KCNG3: variants seen among roughly 807,000 people sequenced by gnomAD.
KCNG3 encodes the protein voltage-gated potassium channel regulatory subunit KCNG3.
In KCNG3, 15 loss-of-function variants were observed where a neutral mutation model predicts 29.0. That is an observed-to-expected ratio of 0.52 (90% confidence interval 0.35 to 0.80). KCNG3 has a LOEUF of 0.80. Ranked by LOEUF, KCNG3 falls within the 30% of genes least tolerant of loss-of-function variation. The pLI, the probability that KCNG3 is intolerant of heterozygous loss-of-function variation, is 0.01. For missense variants in KCNG3, 512 were observed against 605.7 expected, an observed-to-expected ratio of 0.85 and a Z score of 1.62; for synonymous variants, 322 against 248.9, an observed-to-expected ratio of 1.29 and a Z score of -2.76.
At chr2:42,478,751 C>A (rs1673505140) in intron 1 of KCNG3, among the ~76,000 whole-genome samples, 1 of 152,082 alleles carries the variant, frequency 6.6e-6, no homozygotes, top group South Asian at 2.1e-4. Flanking sequence ...TACTTGAGGG[C>A]AAGGGTCCCG....
chr2:42,490,201 T>A, intron 1 of KCNG3, among the ~76,000 whole-genome samples: 1 of 152,190 alleles, frequency 6.6e-6, no homozygotes, highest in Admixed American at 6.5e-5. Context: ...ATGTTCCTTT[T>A]ATCTTAAAAA....
chr2:42,417,482 G>C, the KCNG3 span, among the ~76,000 whole-genome samples: 4 of 151,782 alleles, frequency 2.6e-5, no homozygotes, highest in Admixed American at 1.3e-4. Context: ...TAACACACTT[G>C]GCTAATTTTT....
intron 1 of KCNG3, among the ~76,000 whole-genome samples, chr2:42,474,303 G>C (rs538928475): frequency 9.2e-5 from 14 of 151,890 alleles, no homozygotes; most frequent in Admixed American, 9.2e-4. Flanking sequence ...CAAGGTGGGC[G>C]GATCACCTGA....
At chr2:42,434,130 G>A in the KCNG3 span, among the ~76,000 whole-genome samples, 1 of 151,898 alleles carries the variant, frequency 6.6e-6, no homozygotes, top group East Asian at 1.9e-4. Flanking sequence ...TGCAGAAATG[G>A]ACACACCAAA....
chr2:42,471,317 G>A (rs2103708402), intron 1 of KCNG3, among the ~76,000 whole-genome samples: 1 of 152,134 alleles, frequency 6.6e-6, no homozygotes, highest in African/African-American at 2.4e-5. Context: ...CCATACAATA[G>A]ATTATTATCC....
the KCNG3 span, among the ~76,000 whole-genome samples, chr2:42,401,451 G>A: frequency 1.3e-5 from 2 of 151,210 alleles, no homozygotes; most frequent in Non-Finnish European, 2.9e-5. Flanking sequence ...ATACATATAT[G>A]TATTTTTGGA....
chr2:42,439,282 G>C (rs1018462104), downstream of KCNG3, among the ~76,000 whole-genome samples: 3 of 151,580 alleles, frequency 2.0e-5, no homozygotes, highest in African/African-American at 7.3e-5. Flanking sequence ...TTTTGAGAGA[G>C]AGAGAGTTTC....
the KCNG3 span, among the ~76,000 whole-genome samples, chr2:42,409,731 T>TAAAAAAAAAAAAA: frequency 2.3e-4 from 18 of 77,102 alleles, no homozygotes; most frequent in African/African-American, 6.3e-4. Flanking sequence ...AAAAAAAAAT[T>TAAAAAAAAAAAAA]TTTTTTTAAA....
At chr2:42,464,515 A>G (rs1037755750) in intron 1 of KCNG3, among the ~76,000 whole-genome samples, 15 of 152,234 alleles carry the variant, frequency 9.9e-5, no homozygotes, top group African/African-American at 2.9e-4. Context: ...GAATACTCTG[A>G]GTACTGAGGT....
At chr2:42,412,876 T>C in the KCNG3 span, among the ~76,000 whole-genome samples, 1 of 152,138 alleles carries the variant, frequency 6.6e-6, no homozygotes, top group Admixed American at 6.5e-5. Flanking sequence ...AAATACCTTT[T>C]TCCATTCCTT....
the KCNG3 span, among the ~76,000 whole-genome samples, chr2:42,433,269 A>G: frequency 5.3e-5 from 8 of 152,264 alleles, no homozygotes; most frequent in Non-Finnish European, 7.3e-5. Context: ...CTAATAAAGC[A>G]TTCAACAAGT....
At chr2:42,392,774 T>C in the KCNG3 span, among the ~76,000 whole-genome samples, 2 of 151,994 alleles carry the variant, frequency 1.3e-5, no homozygotes, top group South Asian at 2.1e-4. Context: ...GACGCAATGA[T>C]CTAGTAAGCT....
At chr2:42,485,822 G>C (rs1282607121) in intron 1 of KCNG3, among the ~76,000 whole-genome samples, 1 of 152,146 alleles carries the variant, frequency 6.6e-6, no homozygotes, top group Non-Finnish European at 1.5e-5. Flanking sequence ...CCTTGGAAGT[G>C]TCAGAATAAT....
At chr2:42,448,495 T>C (rs748775350) in intron 1 of KCNG3, among the ~76,000 whole-genome samples, 14 of 152,156 alleles carry the variant, frequency 9.2e-5, no homozygotes, top group African/African-American at 3.1e-4. Flanking sequence ...AGTAAAATTC[T>C]TGATTTTCCA....
chr2:42,392,141 G>A, the KCNG3 span, among the ~76,000 whole-genome samples: 1 of 152,166 alleles, frequency 6.6e-6, no homozygotes, highest in Non-Finnish European at 1.5e-5. Flanking sequence ...CTAAGAAAAT[G>A]ATGCTAAATG....
the KCNG3 span, among the ~76,000 whole-genome samples, chr2:42,428,004 T>C: frequency 6.6e-6 from 1 of 152,230 alleles, no homozygotes; most frequent in Non-Finnish European, 1.5e-5. Context: ...TCCAGATTTA[T>C]GCTCTAGTCC....
downstream of KCNG3, among the ~76,000 whole-genome samples, chr2:42,439,729 C>T (rs1053386863): frequency 1.3e-5 from 2 of 152,010 alleles, no homozygotes; most frequent in African/African-American, 4.8e-5. Flanking sequence ...TCACTGCAAC[C>T]TCTGCCTCCC....
chr2:42,491,500 T>C (rs1255047677), intron 1 of KCNG3, among the ~76,000 whole-genome samples: 1 of 151,608 alleles, frequency 6.6e-6, no homozygotes, highest in Non-Finnish European at 1.5e-5. Context: ...AAAGCCCTCC[T>C]TAAAAAAAAA....
At chr2:42,477,335 T>C (rs948847927) in intron 1 of KCNG3, among the ~76,000 whole-genome samples, 1 of 150,594 alleles carries the variant, frequency 6.6e-6, no homozygotes, top group Non-Finnish European at 1.5e-5. Context: ...GACAAATTTT[T>C]CAATACTATA....
Sources: gnomAD v4.1 joint callset for allele counts (sites outside exome capture counted in the v4.1 genomes callset) on GRCh38, gnomAD v4.1.1 for gene constraint, MANE v1.5 for transcripts, NCBI Gene and HGNC (gene_info 2026-07-23, HGNC 2026-07-21) for gene names.